NDRG3: variants seen among roughly 807,000 people sequenced by gnomAD.
NDRG3 encodes protein NDRG3.
NDRG3 carries 23 observed loss-of-function variants against 57.2 expected under a neutral mutation model. The ratio of observed to expected loss-of-function variants is 0.40; its 90% CI spans 0.29 to 0.57. NDRG3 has a LOEUF of 0.57. NDRG3 is among the 20% of genes least tolerant of loss of function. The pLI is 0.42. For synonymous variants in NDRG3, 132 were observed against 162.6 expected (o/e 0.81, Z 1.43); for missense variants, 384 against 457.3 (o/e 0.84, Z 1.46).
intron 1 of NDRG3, among the ~76,000 whole-genome samples, chr20:36,743,804 C>CT: frequency 6.7e-6 from 1 of 150,276 alleles, no homozygotes; most frequent in Non-Finnish European, 1.5e-5. Flanking sequence ...GGCAACAGAG[C>CT]GAGACTCCGT....
At chr20:36,655,199 C>T (rs954242255) in intron 15 of NDRG3, among the ~76,000 whole-genome samples, 1 of 151,872 alleles carries the variant, frequency 6.6e-6, no homozygotes, top group Non-Finnish European at 1.5e-5. Flanking sequence ...TTGGTAGCGG[C>T]TCACAGGCAA....
At chr20:36,658,925 T>C (rs1256884057) in intron 13 of NDRG3, among the ~76,000 whole-genome samples, 1 of 152,054 alleles carries the variant, frequency 6.6e-6, no homozygotes, top group Non-Finnish European at 1.5e-5. Flanking sequence ...ATCCATTATC[T>C]TCTCACAATA....
intron 3 of NDRG3, among the ~76,000 whole-genome samples, chr20:36,701,384 T>C (rs1177612585): frequency 6.6e-6 from 1 of 151,734 alleles, no homozygotes; most frequent in Admixed American, 6.6e-5. Context: ...AAAAAATATA[T>C]ATATTTTCTA....
At chr20:36,664,051 C>T (rs1036804399) in intron 12 of NDRG3, among the ~76,000 whole-genome samples, 3 of 152,150 alleles carry the variant, frequency 2.0e-5, no homozygotes, top group African/African-American at 7.2e-5. Context: ...GATCCACCCA[C>T]CTCAGCCTCC....
chr20:36,724,337 T>C (rs1364606921), intron 1 of NDRG3, among the ~76,000 whole-genome samples: 1 of 152,118 alleles, frequency 6.6e-6, no homozygotes, highest in Non-Finnish European at 1.5e-5. Flanking sequence ...TATAGGACAG[T>C]GGTTCTTTTG....
intron 15 of NDRG3, among the ~76,000 whole-genome samples, chr20:36,655,053 G>C (rs1978538574): frequency 6.6e-6 from 1 of 152,212 alleles, no homozygotes; most frequent in Non-Finnish European, 1.5e-5. Context: ...TTTCCCCTCT[G>C]CTATAAACAG....
intron 8 of NDRG3, 136 bp downstream of exon 8, chr20:36,680,680 T>C: frequency 4.9e-6 from 3 of 608,368 alleles, no homozygotes; most frequent in Non-Finnish European, 8.7e-6. Flanking sequence ...TGGATGGTGA[T>C]TTTATATGTA....
chr20:36,731,286 T>C (rs1009745484), intron 1 of NDRG3, among the ~76,000 whole-genome samples: 5 of 151,640 alleles, frequency 3.3e-5, no homozygotes, highest in African/African-American at 1.2e-4. Context: ...TGTTCAGAGA[T>C]GCTAGAGGAA....
chr20:36,660,588 T>G, intron 12 of NDRG3, among the ~76,000 whole-genome samples: 1 of 148,980 alleles, frequency 6.7e-6, no homozygotes, highest in Admixed American at 6.7e-5. Context: ...TGAGACGGAG[T>G]CTCGCTCTGT....
intron 1 of NDRG3, among the ~76,000 whole-genome samples, chr20:36,727,003 G>A (rs1300923625): frequency 4.0e-5 from 6 of 149,346 alleles, no homozygotes; most frequent in Non-Finnish European, 1.5e-5. Flanking sequence ...TGCAACTTCC[G>A]CCTCCCAGGT....
At chr20:36,714,855 C>T (rs1376968001) in intron 2 of NDRG3, among the ~76,000 whole-genome samples, 12 of 151,026 alleles carry the variant, frequency 7.9e-5, no homozygotes, top group East Asian at 7.8e-4. Context: ...TCAGGTGATC[C>T]GCCTGCCTTG....
intron 1 of NDRG3, among the ~76,000 whole-genome samples, chr20:36,734,132 G>A (rs1186736659): frequency 6.6e-6 from 1 of 152,138 alleles, no homozygotes; most frequent in Non-Finnish European, 1.5e-5. Context: ...GGCCAAGGCA[G>A]GCGGATCACC....
chr20:36,687,985 C>G (rs894106862), intron 4 of NDRG3, among the ~76,000 whole-genome samples: 2 of 152,212 alleles, frequency 1.3e-5, no homozygotes, highest in African/African-American at 4.8e-5. Flanking sequence ...GCACAGGTGG[C>G]GTGAATGTCC....
chr20:36,736,325 T>C (rs1600976040), intron 1 of NDRG3, among the ~76,000 whole-genome samples: 1 of 152,314 alleles, frequency 6.6e-6, no homozygotes, highest in East Asian at 1.9e-4. Context: ...AATTCTTACA[T>C]GCAGCTAGGG....
rs374458394 is a variant in NDRG3 at position 36,706,898 on chromosome 20, A to G, written c.93+74T>C. ...CTATAATGAGAGATCCACTTCTACA[A>G]GACCACCACCACAGGAAAGGAAACA... is the stretch of plus-strand genomic sequence containing the variant. On this transcript the variant is annotated intron_variant, in intron 3 of 15. Transcript: ENST00000349004. 2,138 of 1,306,972 alleles carry G rather than the reference A, an allele frequency of 1.6e-3. 3 individuals are homozygous for G. The highest frequency in any genetic ancestry group is 2.2e-3 in the Non-Finnish European group (2,015 of 921,880). 81.0% of individuals were successfully genotyped at this position (1,306,972 alleles called of 1,614,324 possible). A position where few individuals can be genotyped will look rare whatever the true frequency, so the allele number is the denominator to read the frequency against.
intron 1 of NDRG3, among the ~76,000 whole-genome samples, chr20:36,732,413 G>A (rs1600970166): frequency 1.3e-5 from 2 of 152,280 alleles, no homozygotes; most frequent in Non-Finnish European, 2.9e-5. Flanking sequence ...ACCCAGAGAC[G>A]CATGGATTCT....
chr20:36,715,016 A>G (rs1351799992), intron 2 of NDRG3, among the ~76,000 whole-genome samples: 591 of 75,166 alleles, frequency 7.9e-3, no homozygotes, highest in African/African-American at 0.01. Flanking sequence ...GTATATATAT[A>G]TATATATATA....
rs373936052 is a variant in NDRG3, at chr20:36,678,123, C to T, written c.531+2693G>A. ...TGAGTTAGCAAACACCAGCAATCCACATGTCGTTGGAAGGAGTAGCACAGA... is the reference window on the plus strand; with the variant it reads ...TGAGTTAGCAAACACCAGCAATCCATATGTCGTTGGAAGGAGTAGCACAGA... On this transcript the variant is annotated intron_variant, in intron 8 of 15. Transcript: ENST00000349004. Among the ~76,000 whole-genome samples, 68 of 152,252 alleles carry T rather than the reference C, an allele frequency of 4.5e-4. No homozygotes were observed. In the South Asian group the frequency reaches 6.4e-3, roughly 14 times the overall value.
intron 3 of NDRG3, among the ~76,000 whole-genome samples, chr20:36,690,337 C>T (rs1982162700): frequency 6.6e-6 from 1 of 152,018 alleles, no homozygotes; most frequent in African/African-American, 2.4e-5. Context: ...AAAAGATGCA[C>T]CGAGCAAAGC....
Sources: gnomAD v4.1 joint callset for allele counts (sites outside exome capture counted in the v4.1 genomes callset) on GRCh38, gnomAD v4.1.1 for gene constraint, MANE v1.5 for transcripts, NCBI Gene and HGNC (gene_info 2026-07-23, HGNC 2026-07-21) for gene names.